Variants in PXK observed in about 807,000 individuals in gnomAD.
PXK encodes the protein PX domain-containing protein kinase-like protein.
In PXK, 35 loss-of-function variants were observed where a neutral mutation model predicts 84.7. The ratio of observed to expected loss-of-function variants is 0.41; its 90% CI spans 0.32 to 0.55. The LOEUF is 0.55. Among genes scored for constraint, PXK ranks in the 20% least tolerant of loss-of-function variants. The pLI is 0.21. For synonymous variants in PXK, 253 were observed against 260.8 expected (o/e 0.97, Z 0.29); for missense variants, 634 against 699.7 (o/e 0.91, Z 1.06).
chr3:58,380,933 G>A (rs931156958), intron 3 of PXK, among the ~76,000 whole-genome samples: 1 of 152,110 alleles, frequency 6.6e-6, no homozygotes, highest in Admixed American at 6.5e-5. Context: ...TCAAAAAAAT[G>A]TATCTCCTGC....
intron 17 of PXK, among the ~76,000 whole-genome samples, chr3:58,417,291 C>T (rs2061124952): frequency 6.6e-6 from 1 of 152,222 alleles, no homozygotes; most frequent in Non-Finnish European, 1.5e-5. Context: ...AATAGATCAG[C>T]AGCAATAGAT....
chr3:58,425,018 C>T lies in PXK; in HGVS notation c.*58C>T. The T allele has an allele frequency of 1.9e-6, 3 of 1,582,818 alleles. No homozygotes were observed. Among genetic ancestry groups the T allele is most frequent in the Non-Finnish European group, 2.6e-6 (3 of 1,163,674 alleles). ...TTTTTTATTCCTACTCACCCCTACC[C>T]CCCAAACTACCCTCTTCCTGGGAAA... On this transcript the variant is annotated 3_prime_UTR_variant, in exon 18 of 18. Transcript: ENST00000356151.
chr3:58,422,472 C>A, intron 17 of PXK: 1 of 985,372 alleles, frequency 1.0e-6, no homozygotes, highest in East Asian at 1.1e-4. Context: ...ATCTGCTTTA[C>A]TGGAGCCCTG....
intron 13 of PXK, 111 bp from the exon 14 acceptor site, chr3:58,408,813 C>T (rs551126425): frequency 1.5e-5 from 12 of 803,226 alleles, no homozygotes; most frequent in South Asian, 5.9e-5. Context: ...TGAGCCACCG[C>T]GCCCGGCCGA....
In PXK at chr3:58,409,502, G is replaced by T; in HGVS notation, c.1309-30G>T. On this transcript the variant is annotated intron_variant, in intron 14 of 17. Transcript: ENST00000356151. The surrounding 1 kb of genome is among the most constrained non-coding windows in gnomAD (Gnocchi z 4.2). ...TTCATTAGGAAGCTGCCTTATGTGG[G>T]ATATGCTTACATCTTATGGTCTTTT... is the stretch of plus-strand genomic sequence containing the variant. The T allele has an allele frequency of 6.3e-7, 1 of 1,584,492 alleles. No individual in the cohort carries two copies. The highest frequency in any genetic ancestry group is 8.6e-7 in the Non-Finnish European group (1 of 1,156,420).
At position 58,412,879 on chromosome 3, in the gene PXK, G is replaced by T; in HGVS notation, c.1466-22G>T. 1 of 1,613,822 alleles carries T rather than the reference G, an allele frequency of 6.2e-7. No homozygotes were observed. Among genetic ancestry groups the T allele is most frequent in the Non-Finnish European group, 8.5e-7 (1 of 1,179,778 alleles). On this transcript the variant is annotated intron_variant, in intron 16 of 17. Transcript: ENST00000356151. This position sits in a 1 kb window ranked among gnomAD's most constrained non-coding sequence, Gnocchi z 6.2. ...ATGTCTTTCGTTGGTCCCCATGAGGGTTTCTCTGTGTTTTATCTTAGCAGG... is the reference window on the plus strand; with the variant it reads ...ATGTCTTTCGTTGGTCCCCATGAGGTTTTCTCTGTGTTTTATCTTAGCAGG...
chr3:58,421,463 C>T lies in PXK; in HGVS notation c.1529-3289C>T. On this transcript the variant is annotated intron_variant, in intron 17 of 17. Coordinates refer to ENST00000356151, the MANE Select transcript of PXK (RefSeq NM_017771.5). This position sits in a 1 kb window ranked among gnomAD's most constrained non-coding sequence, Gnocchi z 5.5. ...GGGCATGGTACCACGCGCCTGTAAT[C>T]CCAGCTACTCGGGAGGCTGAGGCAG... is the stretch of plus-strand genomic sequence containing the variant. 6 of 785,016 alleles carry T rather than the reference C, an allele frequency of 7.6e-6. No homozygotes were observed. The South Asian group carries it at 3.5e-4, about 45-fold the overall frequency. The allele number at this position is 785,016 out of a possible 1,614,324, so 48.6% of individuals were successfully genotyped here. A position where few individuals can be genotyped will look rare whatever the true frequency, so the allele number is the denominator to read the frequency against.
At chr3:58,373,578 C>T (rs918648237) in intron 3 of PXK, among the ~76,000 whole-genome samples, 1 of 152,086 alleles carries the variant, frequency 6.6e-6, no homozygotes, top group Non-Finnish European at 1.5e-5. Flanking sequence ...CTTAGAACTC[C>T]CTAGGATACT....
intron 17 of PXK, among the ~76,000 whole-genome samples, chr3:58,419,322 G>C (rs2061468637): frequency 6.6e-6 from 1 of 152,232 alleles, no homozygotes; most frequent in Non-Finnish European, 1.5e-5. Context: ...CTCGATCTTG[G>C]CTCACTGCAG....
In PXK at chr3:58,333,067, A is replaced by C. The variant is rs1393654468; in HGVS notation, c.79A>C (p.Ser27Arg). The C allele has an allele frequency of 2.3e-6, 3 of 1,325,662 alleles. No individual in the cohort carries two copies. The highest frequency in any genetic ancestry group is 2.9e-6 in the Non-Finnish European group (3 of 1,023,104). 82.1% of individuals were successfully genotyped at this position (1,325,662 alleles called of 1,614,324 possible). The change falls in exon 1 of 18, where the codon AGC (serine) becomes CGC (arginine). Residue 27 changes from serine to arginine, a missense_variant. Coordinates refer to ENST00000356151, the MANE Select transcript of PXK (RefSeq NM_017771.5). The surrounding 1 kb of genome is among the most constrained non-coding windows in gnomAD (Gnocchi z 5.4). Reference protein sequence around the residue: ...TVPLTAAIEASQSLQSHTEYI... With the variant: ...TVPLTAAIEARQSLQSHTEYI... ...GCCGCTGACAGCAGCCATCGAGGCG[A>C]GCCAGAGCCTGCAGTCCCACACGGT...
chr3:58,348,983 C>G (rs2097870213), intron 1 of PXK, among the ~76,000 whole-genome samples: 1 of 151,966 alleles, frequency 6.6e-6, no homozygotes, highest in Non-Finnish European at 1.5e-5. Flanking sequence ...GTGTATTTTA[C>G]AATTACAGCA....
chr3:58,382,944 A>G (rs913965540), intron 4 of PXK, among the ~76,000 whole-genome samples: 3 of 152,228 alleles, frequency 2.0e-5, no homozygotes, highest in Admixed American at 6.5e-5. Context: ...AAATTATTGT[A>G]TGTATACTTA....
chr3:58,356,014 A>G (rs1010307687), intron 1 of PXK, among the ~76,000 whole-genome samples: 3 of 152,220 alleles, frequency 2.0e-5, no homozygotes, highest in Admixed American at 1.3e-4. Flanking sequence ...AGGATTAATG[A>G]GAAGTATTGG....
At chr3:58,405,518 A>G (rs1008760386) in intron 13 of PXK, among the ~76,000 whole-genome samples, 17 of 152,188 alleles carry the variant, frequency 1.1e-4, no homozygotes, top group Admixed American at 8.5e-4. Flanking sequence ...ATCTCTACTA[A>G]AAATACAGAA....
At chr3:58,357,766 A>G (rs1000261236) in intron 1 of PXK, among the ~76,000 whole-genome samples, 1 of 152,290 alleles carries the variant, frequency 6.6e-6, no homozygotes, top group East Asian at 1.9e-4. Context: ...CCTGGCAAAC[A>G]TGGTGAAACC....
chr3:58,410,296 C>T (rs549249476), intron 16 of PXK, 137 bp downstream of exon 16: 5 of 589,334 alleles, frequency 8.5e-6, no homozygotes, highest in East Asian at 2.6e-5. Context: ...AAAATAACTC[C>T]GTCTCTAATG....
intron 3 of PXK, among the ~76,000 whole-genome samples, chr3:58,373,811 C>T (rs1035473900): frequency 2.6e-5 from 4 of 151,852 alleles, no homozygotes; most frequent in African/African-American, 7.3e-5. Context: ...TTTGGGAGGC[C>T]GAGGTGGGTG....
At position 58,397,610 on chromosome 3, in the gene PXK, G is replaced by A. The variant is rs764877769; in HGVS notation, c.990G>A (p.Leu330=). 27 of 1,612,046 alleles carry A rather than the reference G, an allele frequency of 1.7e-5. No individual in the cohort carries two copies. Among genetic ancestry groups the A allele is most frequent in the Admixed American group, 1.5e-4 (9 of 60,002 alleles). ...YFSQFRKINT[L]ESVDVHCFGH... is the part of the protein sequence containing the mutation. ...TGCTACTCTTTCTTCCACAGACATT[G>A]GAAAGTGTGGATGTCCACTGCTTTG... The change falls in exon 11 of 18, where the codon TTG becomes TTA. Residue 330 remains leucine, a synonymous_variant. Transcript: ENST00000356151. The surrounding 1 kb of genome is among the most constrained non-coding windows in gnomAD (Gnocchi z 4.7).
intron 1 of PXK, among the ~76,000 whole-genome samples, chr3:58,350,976 C>T (rs1014998166): frequency 2.0e-5 from 3 of 152,140 alleles, no homozygotes; most frequent in Non-Finnish European, 4.4e-5. Context: ...TAGTTTCAAG[C>T]TTCTCTCCCA....
Sources: allele counts gnomAD v4.1 joint callset (sites outside exome capture counted in the v4.1 genomes callset), GRCh38; gene constraint gnomAD v4.1.1; non-coding constraint Gnocchi (gnomAD v3.1); transcripts MANE v1.5; gene names NCBI Gene and HGNC (gene_info 2026-07-23, HGNC 2026-07-21).